DNAAF1: variants seen among roughly 807,000 people sequenced by gnomAD.
The protein encoded by DNAAF1 is dynein axonemal assembly factor 1, also known as dynein assembly factor 1, axonemal.
Under a neutral mutation model 71.1 loss-of-function variants are expected in DNAAF1, and 65 were observed. The ratio of observed to expected loss-of-function variants is 0.91; its 90% CI spans 0.75 to 1.12. The LOEUF is 1.12. Ranked by LOEUF, DNAAF1 falls within the 50% of genes most tolerant of loss-of-function variation. DNAAF1 has a pLI of 0.00. For missense variants in DNAAF1, 1,178 were observed against 899.8 expected (o/e 1.31, Z -3.96); for synonymous variants, 414 against 354.6 (o/e 1.17, Z -1.88).
intron 7 of DNAAF1, among the ~76,000 whole-genome samples, chr16:84,169,077 C>CTTTT (rs567267370): frequency 1.4e-5 from 1 of 71,210 alleles, no homozygotes; most frequent in Non-Finnish European, 2.6e-5. Context: ...CTCAAGGATA[C>CTTTT]TTTTTTTTTT....
rs1243066590 is a variant in DNAAF1 at position 84,148,950 on chromosome 16, G to A, written c.125-57G>A. On this transcript the variant is annotated intron_variant, in intron 1 of 11. Coordinates refer to ENST00000378553, the MANE Select transcript of DNAAF1 (RefSeq NM_178452.6). ...TGGTCATTAACCAAGCTGAAGTTGG[G>A]GGTATTTTTTGGCATATATCTTGAT... is the stretch of plus-strand genomic sequence containing the variant. 1.1e-5 allele frequency: 17 copies of A among 1,596,572 alleles called. 1 individual carries two copies. The highest frequency in any genetic ancestry group is 1.4e-5 in the Non-Finnish European group (16 of 1,165,182).
At chr16:84,159,622 TA>T in intron 5 of DNAAF1, 52 bp from the exon 6 acceptor site, 2 of 1,562,954 alleles carry the variant, frequency 1.3e-6, no homozygotes, top group Non-Finnish European at 1.7e-6. Flanking sequence ...ACATATAAAA[TA>T]ATTCAATCGC....
chr16:84,160,340 T>C (rs1360327283), intron 6 of DNAAF1, among the ~76,000 whole-genome samples: 2 of 152,248 alleles, frequency 1.3e-5, no homozygotes, highest in African/African-American at 2.4e-5. Flanking sequence ...AAGTTTCTTT[T>C]TGAAGTGCTT....
At position 84,159,632 on chromosome 16, in the gene DNAAF1, G is replaced by C. The variant is rs112706860; in HGVS notation, c.742-43G>C. 1.6e-5 allele frequency: 25 copies of C among 1,574,432 alleles called. No individual in the cohort carries two copies. The South Asian group carries it at 2.1e-4, about 13-fold the overall frequency. The stretch of plus-strand genomic sequence containing the variant: ...ACAGCACATATAAAATAATTCAATC[G>C]CATCTTTCAGTAATCATTTTGGTTC... On this transcript the variant is annotated intron_variant, in intron 5 of 11. Coordinates refer to ENST00000378553, the MANE Select transcript of DNAAF1 (RefSeq NM_178452.6).
intron 6 of DNAAF1, among the ~76,000 whole-genome samples, chr16:84,162,731 A>G (rs1480927334): frequency 1.3e-5 from 2 of 152,124 alleles, no homozygotes; most frequent in African/African-American, 4.8e-5. Context: ...AGGCAAGAGA[A>G]TCGCTTGAAC....
chr16:84,146,354 C>A (rs74659559), intron 1 of DNAAF1, among the ~76,000 whole-genome samples: 4,119 of 152,128 alleles, frequency 0.027, 158 homozygotes, highest in African/African-American at 0.094. Flanking sequence ...GTAGAGAGTC[C>A]GAATGAAGAC....
chr16:84,156,851 C>CTTTTTTTTTTTTTTTTT (rs778916785), intron 5 of DNAAF1, among the ~76,000 whole-genome samples: 17 of 111,814 alleles, frequency 1.5e-4, no homozygotes, highest in African/African-American at 2.2e-4. Context: ...TTCTTTCTTT[C>CTTTTTTTTTTTTTTTTT]TTTTTTTTTT....
At position 84,145,343 on chromosome 16, in the gene DNAAF1, A is replaced by G. The variant is rs1195382917; in HGVS notation, c.-98A>G. On this transcript the variant is annotated 5_prime_UTR_variant, in exon 1 of 12. Coordinates refer to ENST00000378553, the MANE Select transcript of DNAAF1 (RefSeq NM_178452.6). ...GGGCGCCAGCGGCTGGCGAAGAAGGAAAGAGGGTACTCTCTGGCTGGGCTG... is the reference window on the plus strand; with the variant it reads ...GGGCGCCAGCGGCTGGCGAAGAAGGGAAGAGGGTACTCTCTGGCTGGGCTG... 3.9e-6 allele frequency: 6 copies of G among 1,529,888 alleles called. No homozygotes were observed. The African/African-American group carries it at 8.3e-5, about 21-fold the overall frequency. 94.8% of individuals were successfully genotyped at this position (1,529,888 alleles called of 1,614,324 possible). A position where few individuals can be genotyped will look rare whatever the true frequency, so the allele number is the denominator to read the frequency against.
chr16:84,148,602 T>TTTTTTTTTTTTTTTTTTTTTTG (rs2087036312), intron 1 of DNAAF1, among the ~76,000 whole-genome samples: 1 of 115,682 alleles, frequency 8.6e-6, no homozygotes, highest in African/African-American at 3.5e-5. Flanking sequence ...CTCTCTTTTT[T>TTTTTTTTTTTTTTTTTTTTTTG]TTTTTTTTTT....
intron 7 of DNAAF1, 80 bp from the exon 8 acceptor site, chr16:84,169,779 T>C: frequency 6.3e-7 from 1 of 1,592,546 alleles, no homozygotes; most frequent in Non-Finnish European, 8.6e-7. Context: ...AGAAGTTTGC[T>C]GTGAGCCCTT....
intron 5 of DNAAF1, chr16:84,159,271 T>C: frequency 3.6e-6 from 4 of 1,108,952 alleles, no homozygotes; most frequent in Non-Finnish European, 2.2e-6. Context: ...CTAGCGGCTG[T>C]GTGCGTTTTG....
At chr16:84,154,032 T>C (rs1405450904) in intron 3 of DNAAF1, among the ~76,000 whole-genome samples, 1 of 152,120 alleles carries the variant, frequency 6.6e-6, no homozygotes, top group African/African-American at 2.4e-5. Context: ...GTGACTCTGA[T>C]AGGCTGCCAG....
chr16:84,151,742 G>A (rs191344903), intron 3 of DNAAF1, among the ~76,000 whole-genome samples: 3 of 152,186 alleles, frequency 2.0e-5, no homozygotes, highest in Non-Finnish European at 2.9e-5. Flanking sequence ...GACTGTCAGC[G>A]CAGTCTCACT....
intron 9 of DNAAF1, 56 bp downstream of exon 9, chr16:84,172,431 G>C: frequency 6.3e-7 from 1 of 1,597,648 alleles, no homozygotes; most frequent in South Asian, 1.1e-5. Context: ...TAGTAAAATA[G>C]GTAATCAGAT....
intron 9 of DNAAF1, chr16:84,173,695 A>T (rs890629431): frequency 4.5e-6 from 1 of 223,702 alleles, no homozygotes; most frequent in East Asian, 1.8e-4. Flanking sequence ...CATAAAAAAT[A>T]AAAAAAATAA....
intron 3 of DNAAF1, among the ~76,000 whole-genome samples, chr16:84,154,328 C>T (rs1213448500): frequency 6.6e-6 from 1 of 152,116 alleles, no homozygotes; most frequent in African/African-American, 2.4e-5. Flanking sequence ...GTGAAGATGG[C>T]AAAGAAGCTC....
chr16:84,171,680 C>A (rs2088355462), intron 8 of DNAAF1, among the ~76,000 whole-genome samples: 1 of 152,114 alleles, frequency 6.6e-6, no homozygotes, highest in African/African-American at 2.4e-5. Context: ...TCCCTTGTCA[C>A]CCTGCAGTCG....
rs1352763766 is a variant in DNAAF1, at chr16:84,168,822, C to CCACACACACA, written c.1031-1033_1031-1032insCACACACACA. Reference sequence around the variant, plus strand: ...TTTTTCATAATTTGCTACACATTTGCCACATACACACACACACACACACAC... The same window carrying CCACACACACA: ...TTTTTCATAATTTGCTACACATTTGCCACACACACACACATACACACACACACACACACAC... On this transcript the variant is annotated intron_variant, in intron 7 of 11. Coordinates refer to ENST00000378553, the MANE Select transcript of DNAAF1 (RefSeq NM_178452.6). Among the ~76,000 whole-genome samples the CCACACACACA allele has an allele frequency of 1.2e-3, 51 of 42,378 alleles. No individual in the cohort carries two copies. In the Middle Eastern group the frequency reaches 0.029, roughly 24 times the overall value. 27.8% of individuals were successfully genotyped at this position (42,378 alleles called of 152,430 possible).
intron 7 of DNAAF1, among the ~76,000 whole-genome samples, chr16:84,168,920 G>A (rs1166233663): frequency 4.6e-5 from 7 of 151,158 alleles, no homozygotes; most frequent in Non-Finnish European, 7.4e-5. Flanking sequence ...AACCCCCAGT[G>A]CTTCAGCGTG....
Sources: gnomAD v4.1 joint callset for allele counts (sites outside exome capture counted in the v4.1 genomes callset) on GRCh38, gnomAD v4.1.1 for gene constraint, MANE v1.5 for transcripts, NCBI Gene and HGNC (gene_info 2026-07-23, HGNC 2026-07-21) for gene names.